The following VDAC1 variants were observed in gnomAD, a reference collection of about 807,000 sequenced individuals.
The protein encoded by VDAC1 is non-selective voltage-gated ion channel VDAC1.
VDAC1 carries 10 observed loss-of-function variants against 34.7 expected under a neutral mutation model. The ratio of observed to expected loss-of-function variants is 0.29; its 90% CI spans 0.18 to 0.49. The LOEUF (loss-of-function observed/expected upper bound fraction) is 0.49, where lower values mean the gene tolerates loss of function less well. Ranked by LOEUF, VDAC1 falls within the 20% of genes least tolerant of loss-of-function variation. The probability of loss-of-function intolerance (pLI) is 0.99; values close to 1 mark genes in which losing one functional copy is unlikely to be tolerated. For synonymous variants in VDAC1, 130 were observed against 136.0 expected (o/e 0.96, Z 0.30); for missense variants, 230 against 347.9 (o/e 0.66, Z 2.69).
chr5:133,980,864 C>T lies in VDAC1; in HGVS notation c.416G>A (p.Arg139Gln). ...CTCGTAACCTAGCACCAGAGCACCC[C>T]GGATGGAAGGCCCAGCAATGTCGAA... Reference protein sequence around the residue: ...MDFDIAGPSIRGALVLGYEGW... With the variant: ...MDFDIAGPSIQGALVLGYEGW... The change falls in exon 6 of 9, where the codon CGG becomes CAG. Residue 139 changes from arginine to glutamine, a missense_variant. Physicochemically the swap from Arg to Gln is conservative, Grantham distance 43. Transcript: ENST00000265333. The T allele has an allele frequency of 8.1e-6, 13 of 1,613,890 alleles. No individual in the cohort carries two copies. Among genetic ancestry groups the T allele is most frequent in the African/African-American group, 1.3e-5 (1 of 74,950 alleles).
the VDAC1 span, among the ~76,000 whole-genome samples, chr5:134,075,469 G>A: frequency 6.6e-6 from 1 of 152,152 alleles, no homozygotes; most frequent in Non-Finnish European, 1.5e-5. Flanking sequence ...TATTCACATG[G>A]TTATTGACAC....
chr5:134,057,315 AC>A, the VDAC1 span, among the ~76,000 whole-genome samples: 1 of 152,092 alleles, frequency 6.6e-6, no homozygotes. Context: ...CCCCATCTCT[AC>A]TAAAAATACA....
the VDAC1 span, among the ~76,000 whole-genome samples, chr5:134,042,860 T>G: frequency 2.0e-5 from 3 of 152,232 alleles, no homozygotes; most frequent in South Asian, 6.2e-4. Flanking sequence ...TTAATGAAAC[T>G]GGGCTCCCCC....
At chr5:134,096,820 T>C in the VDAC1 span, among the ~76,000 whole-genome samples, 1 of 152,212 alleles carries the variant, frequency 6.6e-6, no homozygotes, top group Non-Finnish European at 1.5e-5. Flanking sequence ...TTTGAACTCC[T>C]GAGTTCAATC....
intron 5 of VDAC1, among the ~76,000 whole-genome samples, chr5:133,985,517 G>C (rs1752874881): frequency 2.6e-5 from 4 of 152,180 alleles, no homozygotes; most frequent in Admixed American, 2.0e-4. Context: ...AGCAGGACGT[G>C]GTGGCATGTG....
the VDAC1 span, among the ~76,000 whole-genome samples, chr5:134,061,708 C>A: frequency 1.3e-5 from 2 of 151,702 alleles, no homozygotes; most frequent in Non-Finnish European, 2.9e-5. Flanking sequence ...TGTCTTCTTA[C>A]ACATAAAGTT....
the VDAC1 span, among the ~76,000 whole-genome samples, chr5:134,060,824 C>T: frequency 4.7e-5 from 7 of 148,462 alleles, no homozygotes; most frequent in Non-Finnish European, 9.0e-5. Flanking sequence ...CAAATGAAAA[C>T]GATATAGTAG....
chr5:134,052,522 C>T, the VDAC1 span, among the ~76,000 whole-genome samples: 1 of 151,982 alleles, frequency 6.6e-6, no homozygotes, highest in Non-Finnish European at 1.5e-5. Flanking sequence ...TCTCGAACTC[C>T]TGGGCTCAAG....
chr5:134,094,497 A>C, the VDAC1 span, among the ~76,000 whole-genome samples: 3 of 152,134 alleles, frequency 2.0e-5, no homozygotes, highest in Non-Finnish European at 2.9e-5. Context: ...GGAGATCGAG[A>C]CCATCCTGGC....
At chr5:134,071,108 AAC>A in the VDAC1 span, among the ~76,000 whole-genome samples, 1 of 152,164 alleles carries the variant, frequency 6.6e-6, no homozygotes, top group Admixed American at 6.5e-5. The surrounding 1 kb of genome is among the most constrained non-coding windows in gnomAD (Gnocchi z 4.1). Flanking sequence ...GGGTTAACCC[AAC>A]ACACCTCGAC....
the VDAC1 span, among the ~76,000 whole-genome samples, chr5:134,103,896 G>A: frequency 9.2e-5 from 14 of 152,180 alleles, no homozygotes; most frequent in African/African-American, 3.4e-4. Context: ...CACTAGGAGC[G>A]CTGCTCGGCT....
chr5:134,054,764 C>G, the VDAC1 span, among the ~76,000 whole-genome samples: 4 of 152,060 alleles, frequency 2.6e-5, no homozygotes, highest in Non-Finnish European at 5.9e-5. Context: ...CCCAACTGGA[C>G]CACAGTCTTT....
the VDAC1 span, among the ~76,000 whole-genome samples, chr5:134,095,919 G>A: frequency 6.6e-6 from 1 of 152,220 alleles, no homozygotes; most frequent in African/African-American, 2.4e-5. Context: ...AATGGTGCTT[G>A]TCTAGCTTCT....
chr5:134,080,554 G>GGGCAGGTTAAGTCACCA, the VDAC1 span, among the ~76,000 whole-genome samples: 4 of 151,714 alleles, frequency 2.6e-5, no homozygotes, highest in Admixed American at 6.6e-5. Context: ...TTAAGTCACC[G>GGGCAGGTTAAGTCACCA]AGGTACCATA....
chr5:134,085,176 C>G, the VDAC1 span, among the ~76,000 whole-genome samples: 1 of 151,984 alleles, frequency 6.6e-6, no homozygotes. Context: ...TCACGCCTTT[C>G]CCCTGCCTCA....
At position 133,980,801 on chromosome 5, in the gene VDAC1, G is replaced by C; in HGVS notation, c.479C>G (p.Ala160Gly). Residue 160 changes from alanine (A) to glycine (G), a missense_variant, in exon 6 of 9, where the codon GCA becomes GGA. Physicochemically the swap from Ala to Gly is moderately conservative, Grantham distance 60. Coordinates refer to ENST00000265333, the MANE Select transcript of VDAC1 (RefSeq NM_003374.3). ...LAGYQMNFET[A>G]KSRVTQSNFA... ...GTTGCTCTGGGTCACTCGGGATTTT[G>C]CAGTCTCAAAATTCATCTGGTAGCC... is the stretch of plus-strand genomic sequence containing the variant. 1.5e-6 allele frequency: 2 copies of C among 1,379,258 alleles called. No individual in the cohort carries two copies. The highest frequency in any genetic ancestry group is 1.9e-6 in the Non-Finnish European group (2 of 1,038,214). The allele number at this position is 1,379,258 out of a possible 1,614,324, so 85.4% of individuals were successfully genotyped here.
chr5:134,033,829 A>G, the VDAC1 span, among the ~76,000 whole-genome samples: 1 of 152,078 alleles, frequency 6.6e-6, no homozygotes, highest in African/African-American at 2.4e-5. Flanking sequence ...CGTCTCTACT[A>G]AAAATACAAA....
At chr5:134,032,414 C>T in the VDAC1 span, among the ~76,000 whole-genome samples, 1 of 152,096 alleles carries the variant, frequency 6.6e-6, no homozygotes, top group South Asian at 2.1e-4. Context: ...CTAACAAATC[C>T]ACATCTGCAC....
At chr5:134,064,591 G>A in the VDAC1 span, among the ~76,000 whole-genome samples, 5 of 151,998 alleles carry the variant, frequency 3.3e-5, no homozygotes, top group South Asian at 2.1e-4. Flanking sequence ...AGTGTGAGCC[G>A]CTGGGCCTGG....
Sources: gnomAD v4.1 joint callset for allele counts (sites outside exome capture counted in the v4.1 genomes callset) on GRCh38, gnomAD v4.1.1 for gene constraint, Gnocchi (gnomAD v3.1) non-coding constraint, MANE v1.5 for transcripts, NCBI Gene and HGNC (gene_info 2026-07-23, HGNC 2026-07-21) for gene names.